The following ARFGEF3 variants were observed in gnomAD, a reference collection of about 807,000 sequenced individuals.
ARFGEF3 encodes brefeldin A-inhibited guanine nucleotide-exchange protein 3.
A neutral mutation model predicts 221.7 loss-of-function variants in ARFGEF3; 96 were observed. The observed-to-expected ratio is 0.43, with a 90% CI of 0.37 to 0.51. ARFGEF3 has a LOEUF of 0.51. Among genes scored for constraint, ARFGEF3 ranks in the 20% least tolerant of loss-of-function variants. The pLI, the probability that ARFGEF3 is intolerant of heterozygous loss-of-function variation, is 0.00. For synonymous variants in ARFGEF3, 1,145 were observed against 1,126.8 expected, an observed-to-expected ratio of 1.02 and a Z score of -0.32; for missense variants, 2,410 against 2,789.9, an observed-to-expected ratio of 0.86 and a Z score of 3.07.
Position 138,204,403 on chromosome 6 carries a change from G to C in ARFGEF3, c.138-2639G>C, listed in dbSNP as rs566832412. On this transcript the variant is annotated intron_variant, in intron 2 of 33. Transcript: ENST00000251691. ...TATCCCATGCTGAAGATCATGATCTGCATTGGGCACTTTGTCTATATCAAT... is the reference window on the plus strand; with the variant it reads ...TATCCCATGCTGAAGATCATGATCTCCATTGGGCACTTTGTCTATATCAAT... Among the ~76,000 whole-genome samples, 9 of 148,982 alleles carry C rather than the reference G, an allele frequency of 6.0e-5. No individual in the cohort carries two copies. The East Asian group carries it at 1.8e-3, about 29-fold the overall frequency.
At chr6:138,220,756 A>G (rs1427991243) in intron 4 of ARFGEF3, among the ~76,000 whole-genome samples, 1 of 152,158 alleles carries the variant, frequency 6.6e-6, no homozygotes, top group Non-Finnish European at 1.5e-5. Flanking sequence ...TCCCATCTTA[A>G]TCACATATTA....
chr6:138,219,478 T>C (rs1303476319), intron 4 of ARFGEF3, among the ~76,000 whole-genome samples: 1 of 152,104 alleles, frequency 6.6e-6, no homozygotes, highest in Non-Finnish European at 1.5e-5. Context: ...CATCGTGAAA[T>C]ATCTTATTGG....
intron 10 of ARFGEF3, among the ~76,000 whole-genome samples, chr6:138,256,868 T>C (rs886840223): frequency 1.3e-5 from 2 of 152,114 alleles, no homozygotes; most frequent in Admixed American, 6.5e-5. Context: ...CAATGCAGCA[T>C]GGACCTCCTA....
intron 29 of ARFGEF3, among the ~76,000 whole-genome samples, chr6:138,321,972 G>A (rs978125455): frequency 6.6e-6 from 1 of 152,194 alleles, no homozygotes; most frequent in Non-Finnish European, 1.5e-5. Context: ...TTAATGGATG[G>A]TGGCAGGCAA....
chr6:138,204,067 G>A (rs145181462), intron 2 of ARFGEF3, among the ~76,000 whole-genome samples: 17 of 152,024 alleles, frequency 1.1e-4, no homozygotes, highest in African/African-American at 3.1e-4. Context: ...GGCCAGGCGC[G>A]GTGGCTCACG....
chr6:138,199,921 G>A (rs1777501908), intron 2 of ARFGEF3, among the ~76,000 whole-genome samples: 1 of 152,182 alleles, frequency 6.6e-6, no homozygotes, highest in Non-Finnish European at 1.5e-5. Flanking sequence ...TGTTGAAGAG[G>A]AGTGGTGAGA....
intron 32 of ARFGEF3, among the ~76,000 whole-genome samples, chr6:138,330,186 A>T (rs1780201172): frequency 6.6e-6 from 1 of 152,176 alleles, no homozygotes; most frequent in Admixed American, 6.5e-5. Context: ...CACAGGGGAC[A>T]TGATGGCTTA....
chr6:138,305,435 C>A (rs1280040859), intron 22 of ARFGEF3, among the ~76,000 whole-genome samples: 2 of 151,436 alleles, frequency 1.3e-5, no homozygotes, highest in Non-Finnish European at 2.9e-5. Flanking sequence ...ACCCCCATCT[C>A]TACAAAAAAA....
At chr6:138,197,762 G>T (rs1384965387) in intron 2 of ARFGEF3, among the ~76,000 whole-genome samples, 1 of 152,214 alleles carries the variant, frequency 6.6e-6, no homozygotes, top group Non-Finnish European at 1.5e-5. Flanking sequence ...TCTCAGCACG[G>T]TGACTGGCAT....
At chr6:138,287,808 C>T (rs1779324612) in intron 17 of ARFGEF3, among the ~76,000 whole-genome samples, 1 of 152,132 alleles carries the variant, frequency 6.6e-6, no homozygotes, top group Admixed American at 6.5e-5. Context: ...AATTGTGTAA[C>T]TACTATCAGA....
intron 20 of ARFGEF3, among the ~76,000 whole-genome samples, chr6:138,294,695 G>A (rs1779475662): frequency 6.6e-6 from 1 of 152,224 alleles, no homozygotes. Flanking sequence ...TCTTGTGGAA[G>A]ACAAAGTAGA....
intron 4 of ARFGEF3, among the ~76,000 whole-genome samples, chr6:138,213,038 C>G (rs1305579937): frequency 6.6e-6 from 1 of 151,980 alleles, no homozygotes; most frequent in East Asian, 1.9e-4. Context: ...CCTGTAATCC[C>G]AGCACTTTGG....
Position 138,255,543 on chromosome 6 carries a change from C to T in ARFGEF3, c.878C>T (p.Ser293Phe). Residue 293 changes from serine to phenylalanine, a missense_variant, in exon 10 of 34, where the codon TCT becomes TTT. Ser to Phe is a radical substitution (Grantham distance 155, BLOSUM62 -2). Coordinates refer to ENST00000251691, the MANE Select transcript of ARFGEF3 (RefSeq NM_020340.5). ...SSTSTSLESD[S>F]ASPGVSDHGR... is the part of the protein sequence containing the mutation. The stretch of plus-strand genomic sequence containing the variant: ...ACCAGTACCAGCCTGGAGTCGGACT[C>T]TGCGTCTCCGGGAGTGTCTGACCAC... The T allele has an allele frequency of 1.2e-6, 2 of 1,614,056 alleles. No homozygotes were observed. Among genetic ancestry groups the T allele is most frequent in the African/African-American group, 1.3e-5 (1 of 75,062 alleles).
chr6:138,269,991 G>A (rs970613801), intron 12 of ARFGEF3, among the ~76,000 whole-genome samples: 4 of 152,216 alleles, frequency 2.6e-5, no homozygotes, highest in African/African-American at 9.6e-5. Context: ...CTCATGAACT[G>A]AGACAGCTGG....
chr6:138,278,148 A>G (rs203138), intron 12 of ARFGEF3, among the ~76,000 whole-genome samples: 52,310 of 151,974 alleles, frequency 0.34, 9,316 homozygotes, highest in South Asian at 0.51. Context: ...AATGCAGTCA[A>G]TTCTTCTTAT....
chr6:138,196,521 G>A (rs1310596572), intron 2 of ARFGEF3, among the ~76,000 whole-genome samples: 5 of 152,232 alleles, frequency 3.3e-5, no homozygotes, highest in Non-Finnish European at 4.4e-5. Context: ...AATAGAGTTT[G>A]CAGGACTGGA....
At chr6:138,305,253 A>G (rs1345586809) in intron 22 of ARFGEF3, among the ~76,000 whole-genome samples, 1 of 151,828 alleles carries the variant, frequency 6.6e-6, no homozygotes, top group African/African-American at 2.4e-5. Context: ...AGTCTCAAGA[A>G]GGAAAACTAT....
At position 138,298,684 on chromosome 6, in the gene ARFGEF3, G is replaced by T; in HGVS notation, c.3727G>T (p.Asp1243Tyr). ...TGACATACTGACAGAAGTCCTCACT[G>T]ACTGGAATGAGCCACCTCATTTTCA... ...IHDILTEVLT[D>Y]WNEPPHFHFN... The change falls in exon 22 of 34, where the codon GAC becomes TAC. Residue 1243 changes from aspartate to tyrosine, a missense_variant. This residue lies in a region of ARFGEF3 where 723 missense variants were observed against 991.9 expected (regional missense o/e 0.73). Transcript: ENST00000251691. The T allele has an allele frequency of 6.2e-7, 1 of 1,613,562 alleles. No homozygotes were observed. Among genetic ancestry groups the T allele is most frequent in the South Asian group, 1.1e-5 (1 of 90,954 alleles).
At chr6:138,164,158 T>C (rs533057021) in intron 1 of ARFGEF3, among the ~76,000 whole-genome samples, 102 of 152,330 alleles carry the variant, frequency 6.7e-4, no homozygotes, top group Middle Eastern at 6.8e-3. Flanking sequence ...CTGTTGCCTT[T>C]CCCACTCCAG....
Sources: gnomAD v4.1 joint callset for allele counts (sites outside exome capture counted in the v4.1 genomes callset) on GRCh38, gnomAD v4.1.1 for gene constraint, gnomAD v4.1.1 regional missense constraint, MANE v1.5 for transcripts, NCBI Gene and HGNC (gene_info 2026-07-23, HGNC 2026-07-21) for gene names.